ANXA13: variants seen among roughly 807,000 people sequenced by gnomAD.
ANXA13 encodes annexin A13.
Under a neutral mutation model 46.6 loss-of-function variants are expected in ANXA13, and 36 were observed. The observed-to-expected ratio is 0.77, with a 90% CI of 0.59 to 1.02. The LOEUF is 1.02. Among genes scored for constraint, ANXA13 ranks in the 50% least tolerant of loss-of-function variants. ANXA13 has a pLI of 0.00. For missense variants in ANXA13, 417 were observed against 396.5 expected (o/e 1.05, Z -0.44); for synonymous variants, 163 against 152.9 (o/e 1.07, Z -0.49).
intron 10 of ANXA13, among the ~76,000 whole-genome samples, chr8:123,683,584 CTTTTTTTTTTTT>C (rs5894671): frequency 9.9e-6 from 1 of 100,836 alleles, no homozygotes; most frequent in South Asian, 3.4e-4. Context: ...TAGCTGTGAC[CTTTTTTTTTTTT>C]TTTTTTTTGA....
At chr8:123,710,561 T>C (rs962141642) in intron 2 of ANXA13, among the ~76,000 whole-genome samples, 4 of 152,242 alleles carry the variant, frequency 2.6e-5, no homozygotes, top group African/African-American at 7.2e-5. Context: ...ACATGGCTCC[T>C]ACCTATTGTT....
At chr8:123,724,929 C>T (rs924595032) in intron 1 of ANXA13, among the ~76,000 whole-genome samples, 9 of 152,204 alleles carry the variant, frequency 5.9e-5, no homozygotes, top group African/African-American at 2.2e-4. Flanking sequence ...GCTACAATGG[C>T]AGAGTAGTTA....
In ANXA13 at chr8:123,702,681, C is replaced by A. The variant is rs761032673; in HGVS notation, c.147G>T (p.Arg49Ser). ...EILSGRTSDERQQIKQKYKAT... is the reference protein window; with the variant it reads ...EILSGRTSDESQQIKQKYKAT... ...CCTTGTACTTTTGCTTGATTTGTTGCCTCTCATCTGATGTCCTGCCCGATA... is the reference window on the plus strand; with the variant it reads ...CCTTGTACTTTTGCTTGATTTGTTGACTCTCATCTGATGTCCTGCCCGATA... Residue 49 changes from arginine (R) to serine (S), a missense_variant, in exon 3 of 11, where the codon AGG (arginine) becomes AGT (serine). Coordinates refer to ENST00000419625, the MANE Select transcript of ANXA13 (RefSeq NM_004306.4). 6.2e-7 allele frequency: 1 copy of A among 1,614,076 alleles called. No homozygotes were observed. Among genetic ancestry groups the A allele is most frequent in the Non-Finnish European group, 8.5e-7 (1 of 1,180,014 alleles).
chr8:123,682,772 G>T (rs1433504250), intron 10 of ANXA13, among the ~76,000 whole-genome samples: 1 of 152,160 alleles, frequency 6.6e-6, no homozygotes, highest in East Asian at 1.9e-4. Flanking sequence ...TGTGGCTTTG[G>T]GAGATTAGGA....
intron 10 of ANXA13, among the ~76,000 whole-genome samples, chr8:123,682,080 G>A (rs932820851): frequency 1.3e-5 from 2 of 152,170 alleles, no homozygotes; most frequent in Admixed American, 6.5e-5. Flanking sequence ...GTAGTTGGTT[G>A]ACCCCTGGTA....
intron 1 of ANXA13, among the ~76,000 whole-genome samples, chr8:123,722,719 C>T (rs1813907720): frequency 6.6e-6 from 1 of 152,102 alleles, no homozygotes; most frequent in African/African-American, 2.4e-5. Context: ...TACCTGCCCA[C>T]CCTGAAGAAT....
Position 123,737,380 on chromosome 8 carries a change from GTCC to G in ANXA13, c.-49_-47del. 6.4e-7 allele frequency: 1 copy of G among 1,554,028 alleles called. No homozygotes were observed. Among genetic ancestry groups the G allele is most frequent in the South Asian group, 1.1e-5 (1 of 88,478 alleles). ...TTTTCTGTATTTCATCAAGAGATCA[GTCC>G]TCCTACAGGCAAAGTTTACAACAGT... is the stretch of plus-strand genomic sequence containing the variant. On this transcript the variant is annotated 5_prime_UTR_variant, in exon 1 of 11. Transcript: ENST00000419625.
chr8:123,701,423 T>C (rs1209438232), intron 3 of ANXA13, among the ~76,000 whole-genome samples: 2 of 152,104 alleles, frequency 1.3e-5, no homozygotes, highest in African/African-American at 2.4e-5. Context: ...TGAGCCAAGA[T>C]TATGCCACTA....
At chr8:123,709,011 C>T (rs538239518) in intron 2 of ANXA13, among the ~76,000 whole-genome samples, 10 of 152,306 alleles carry the variant, frequency 6.6e-5, no homozygotes, top group Admixed American at 5.9e-4. Flanking sequence ...TCTGCAAAGA[C>T]GCTTTTTCCA....
chr8:123,699,856 A>G (rs1040325173), intron 3 of ANXA13, among the ~76,000 whole-genome samples: 1 of 152,228 alleles, frequency 6.6e-6, no homozygotes, highest in African/African-American at 2.4e-5. Flanking sequence ...AGCTCTAGAA[A>G]ATGGAGACAG....
chr8:123,716,413 G>A (rs953310455), intron 1 of ANXA13, among the ~76,000 whole-genome samples: 2 of 152,062 alleles, frequency 1.3e-5, no homozygotes, highest in African/African-American at 2.4e-5. Flanking sequence ...TATCAGAGGC[G>A]CCACCATCAG....
At chr8:123,723,399 T>C (rs559991263) in intron 1 of ANXA13, among the ~76,000 whole-genome samples, 1 of 152,336 alleles carries the variant, frequency 6.6e-6, no homozygotes, top group African/African-American at 2.4e-5. Context: ...TCCAGTGGTG[T>C]GCTGAAGCTA....
intron 1 of ANXA13, chr8:123,735,826 A>T: frequency 6.2e-7 from 1 of 1,612,506 alleles, no homozygotes; most frequent in Non-Finnish European, 8.5e-7. Flanking sequence ...GAGGGTTGGG[A>T]GTCCCCTTTA....
At chr8:123,725,015 G>A (rs1006111970) in intron 1 of ANXA13, among the ~76,000 whole-genome samples, 10 of 152,170 alleles carry the variant, frequency 6.6e-5, no homozygotes, top group African/African-American at 2.4e-4. Flanking sequence ...ATCCCATGTG[G>A]ACCATGTAAA....
chr8:123,724,200 A>C (rs1353251315), intron 1 of ANXA13, among the ~76,000 whole-genome samples: 1 of 152,230 alleles, frequency 6.6e-6, no homozygotes, highest in Non-Finnish European at 1.5e-5. Context: ...TCACAAATGA[A>C]AGTGAAGTCC....
At chr8:123,681,381 T>C (rs1384484722) in intron 10 of ANXA13, 22 bp from the exon 11 acceptor site, 5 of 1,609,878 alleles carry the variant, frequency 3.1e-6, no homozygotes, top group East Asian at 2.2e-5. Context: ...ATAACAGCAA[T>C]GGAGATAAGA....
At chr8:123,717,332 CCT>C (rs1425697308) in intron 1 of ANXA13, among the ~76,000 whole-genome samples, 7 of 152,106 alleles carry the variant, frequency 4.6e-5, no homozygotes, top group Non-Finnish European at 8.8e-5. Flanking sequence ...TAGTCCTTCC[CCT>C]GTCTCTTTGG....
intron 4 of ANXA13, among the ~76,000 whole-genome samples, chr8:123,696,085 C>A (rs986609136): frequency 2.0e-5 from 3 of 151,986 alleles, no homozygotes; most frequent in Non-Finnish European, 4.4e-5. Flanking sequence ...AAGTTCAGTG[C>A]GTATCAGAAA....
chr8:123,685,207 C>T (rs1813118963), intron 9 of ANXA13, among the ~76,000 whole-genome samples: 1 of 152,170 alleles, frequency 6.6e-6, no homozygotes, highest in Non-Finnish European at 1.5e-5. Flanking sequence ...TTTTGCAAGC[C>T]TCATCTCTGA....
Sources: allele counts gnomAD v4.1 joint callset (sites outside exome capture counted in the v4.1 genomes callset), GRCh38; gene constraint gnomAD v4.1.1; transcripts MANE v1.5; gene names NCBI Gene and HGNC (gene_info 2026-07-23, HGNC 2026-07-21).